The following MELK variants were observed in gnomAD, a reference collection of about 807,000 sequenced individuals.
MELK encodes pEg3 kinase.
In MELK, 81 loss-of-function variants were observed where a neutral mutation model predicts 85.0. The ratio of observed to expected loss-of-function variants is 0.95; its 90% CI spans 0.80 to 1.15. The LOEUF is 1.15. MELK is among the 50% of genes most tolerant of loss of function. The pLI is 0.00. For synonymous variants in MELK, 252 were observed against 265.0 expected (o/e 0.95, Z 0.48); for missense variants, 754 against 777.5 (o/e 0.97, Z 0.36).
At chr9:36,600,422 T>C (rs1449737882) in intron 7 of MELK, among the ~76,000 whole-genome samples, 1 of 150,336 alleles carries the variant, frequency 6.7e-6, no homozygotes, top group Non-Finnish European at 1.5e-5. Context: ...CTCACTCTGT[T>C]GCCCAGGCTG....
At chr9:36,621,584 C>T (rs1346220365) in intron 8 of MELK, among the ~76,000 whole-genome samples, 3 of 152,164 alleles carry the variant, frequency 2.0e-5, no homozygotes, top group Non-Finnish European at 4.4e-5. Context: ...AATTTGTTTT[C>T]AGAGCCTTTC....
At position 36,671,110 on chromosome 9, in the gene MELK, G is replaced by A. The variant is rs1357607497; in HGVS notation, c.1618G>A (p.Val540Met). ...LERGLDKVIT[V>M]LTRSKRKGSA... ...AAGGGGGTTGGATAAGGTTATCACT[G>A]TGCTCACCAGGAGCAAAAGGAAGGG... is the stretch of plus-strand genomic sequence containing the variant. The change falls in exon 16 of 18, where the codon GTG (valine) becomes ATG (methionine). Residue 540 changes from valine to methionine, a missense_variant. Physicochemically the swap from Val to Met is conservative, Grantham distance 21. Transcript: ENST00000298048. 2 of 1,611,700 alleles carry A rather than the reference G, an allele frequency of 1.2e-6. No individual in the cohort carries two copies. The highest frequency in any genetic ancestry group is 2.2e-5 in the East Asian group (1 of 44,808).
intron 8 of MELK, among the ~76,000 whole-genome samples, chr9:36,622,469 A>G (rs1033430467): frequency 3.3e-5 from 5 of 152,192 alleles, no homozygotes; most frequent in Non-Finnish European, 7.3e-5. Flanking sequence ...TATCTTTTGC[A>G]TTTGTTGACT....
At chr9:36,662,071 C>A (rs551963245) in intron 13 of MELK, among the ~76,000 whole-genome samples, 1 of 151,416 alleles carries the variant, frequency 6.6e-6, no homozygotes, top group South Asian at 2.1e-4. Flanking sequence ...TATTATATAT[C>A]TTTCTTTTTT....
chr9:36,636,778 T>TCTGTCTG (rs1564191010), intron 10 of MELK, among the ~76,000 whole-genome samples: 23 of 82,210 alleles, frequency 2.8e-4, no homozygotes, highest in African/African-American at 7.8e-4. Flanking sequence ...CTTTCTTTCT[T>TCTGTCTG]TCTTTCTGTC....
chr9:36,597,783 G>C (rs1824459528), intron 6 of MELK, among the ~76,000 whole-genome samples: 1 of 152,188 alleles, frequency 6.6e-6, no homozygotes, highest in Admixed American at 6.5e-5. Flanking sequence ...ATTTATAACT[G>C]TTATATATTT....
chr9:36,660,209 C>A (rs949117783), intron 13 of MELK, among the ~76,000 whole-genome samples: 1 of 152,198 alleles, frequency 6.6e-6, no homozygotes, highest in Non-Finnish European at 1.5e-5. Context: ...TTCCAATTCA[C>A]TGTGGACATC....
chr9:36,642,953 A>T, intron 10 of MELK, 44 bp from the exon 11 acceptor site: 8 of 1,375,300 alleles, frequency 5.8e-6, no homozygotes, highest in Non-Finnish European at 8.1e-6. Flanking sequence ...CATTGAATAT[A>T]TTTGTAATTT....
At chr9:36,596,735 C>T (rs1410986995) in intron 5 of MELK, among the ~76,000 whole-genome samples, 3 of 151,526 alleles carry the variant, frequency 2.0e-5, no homozygotes, top group Admixed American at 1.3e-4. Flanking sequence ...TACAGGTATG[C>T]GCCACCATGC....
At chr9:36,651,614 A>T in intron 11 of MELK, 132 bp from the exon 12 acceptor site, 1 of 1,044,884 alleles carries the variant, frequency 9.6e-7, no homozygotes, top group Non-Finnish European at 1.4e-6. Context: ...GCTGTTTTTC[A>T]TCATATGCTG....
chr9:36,644,543 C>T (rs79480175), intron 11 of MELK, among the ~76,000 whole-genome samples: 3,287 of 152,198 alleles, frequency 0.022, 61 homozygotes, highest in Non-Finnish European at 0.031. Flanking sequence ...TTTACTTTTT[C>T]ATGGATAATG....
rs374206900 is a variant in MELK at position 36,628,608 on chromosome 9, C to T, written c.667-1691C>T. Among the ~76,000 whole-genome samples, 12 of 151,426 alleles carry T rather than the reference C, an allele frequency of 7.9e-5. No individual in the cohort carries two copies. The East Asian group carries it at 9.9e-4, about 12-fold the overall frequency. Reference sequence around the variant, plus strand: ...CTAATTTTTGTATTTTTAGTAGAGACGGGGTTTCACCATGTTGGCCAGGAT... The same window carrying T: ...CTAATTTTTGTATTTTTAGTAGAGATGGGGTTTCACCATGTTGGCCAGGAT... On this transcript the variant is annotated intron_variant, in intron 8 of 17. Coordinates refer to ENST00000298048, the MANE Select transcript of MELK (RefSeq NM_014791.4).
intron 8 of MELK, among the ~76,000 whole-genome samples, chr9:36,616,030 G>A (rs1338790003): frequency 2.0e-5 from 3 of 152,128 alleles, no homozygotes; most frequent in Admixed American, 2.0e-4. Flanking sequence ...CGGGCCCCGC[G>A]GGGCCCGTCC....
At chr9:36,658,455 C>A (rs1300413207) in intron 13 of MELK, among the ~76,000 whole-genome samples, 2 of 152,100 alleles carry the variant, frequency 1.3e-5, no homozygotes, top group Non-Finnish European at 2.9e-5. Context: ...GGTTATTGTA[C>A]TCTTGAACTC....
intron 9 of MELK, among the ~76,000 whole-genome samples, chr9:36,632,342 AT>A (rs554137863): frequency 1.5e-3 from 232 of 152,320 alleles, no homozygotes; most frequent in Non-Finnish European, 2.4e-3. Context: ...GATCTATAAA[AT>A]GGGGGTTCTG....
intron 11 of MELK, among the ~76,000 whole-genome samples, chr9:36,651,143 C>G (rs1465853176): frequency 6.6e-6 from 1 of 152,092 alleles, no homozygotes; most frequent in Non-Finnish European, 1.5e-5. Context: ...TGTTACTTCC[C>G]TGGACACTAC....
At chr9:36,646,372 C>CT (rs1468873509) in intron 11 of MELK, among the ~76,000 whole-genome samples, 1 of 152,142 alleles carries the variant, frequency 6.6e-6, no homozygotes, top group Non-Finnish European at 1.5e-5. Flanking sequence ...GATCCATATG[C>CT]TGGTATGGTG....
At position 36,576,156 on chromosome 9, in the gene MELK, A is replaced by G. The variant is rs973570502; in HGVS notation, c.-39+3149A>G. ...AGTGAGAATAAATTTGTCCTCTGTG[A>G]TATCTCCTTGCCTTGAGTAACTTTT... On this transcript the variant is annotated intron_variant, in intron 1 of 17. Transcript: ENST00000298048. Among the ~76,000 whole-genome samples, 4 of 152,186 alleles carry G rather than the reference A, an allele frequency of 2.6e-5. No individual in the cohort carries two copies. The East Asian group carries it at 7.7e-4, about 29-fold the overall frequency.
At position 36,596,023 on chromosome 9, in the gene MELK, C is replaced by T. The variant is rs1212389370; in HGVS notation, c.406-1199C>T. Among the ~76,000 whole-genome samples the T allele has an allele frequency of 2.0e-5, 3 of 151,810 alleles. No individual in the cohort carries two copies. The South Asian group carries it at 6.2e-4, about 32-fold the overall frequency. On this transcript the variant is annotated intron_variant, in intron 5 of 17. Coordinates refer to ENST00000298048, the MANE Select transcript of MELK (RefSeq NM_014791.4). ...TAGGCCTGGGGTTTTGCCATGTTGG[C>T]CAGGCTGGTTTCAAACTCCTGACTT... is the stretch of plus-strand genomic sequence containing the variant.
Sources: gnomAD v4.1 joint callset for allele counts (sites outside exome capture counted in the v4.1 genomes callset) on GRCh38, gnomAD v4.1.1 for gene constraint, MANE v1.5 for transcripts, NCBI Gene and HGNC (gene_info 2026-07-23, HGNC 2026-07-21) for gene names.